The following RNF182 variants were observed in gnomAD, a reference collection of about 807,000 sequenced individuals.
The protein encoded by RNF182 is E3 ubiquitin-protein ligase RNF182.
Under a neutral mutation model 14.4 loss-of-function variants are expected in RNF182, and 15 were observed. The observed-to-expected ratio is 1.04, with a 90% CI of 0.70 to 1.60. The LOEUF (loss-of-function observed/expected upper bound fraction) is 1.60, where lower values mean the gene tolerates loss of function less well. Ranked by LOEUF, RNF182 falls within the 40% of genes most tolerant of loss-of-function variation. The pLI is 0.00. For synonymous variants in RNF182, 128 were observed against 122.9 expected (o/e 1.04, Z -0.27); for missense variants, 268 against 294.8 (o/e 0.91, Z 0.67).
At position 13,977,657 on chromosome 6, in the gene RNF182, A is replaced by G. The variant is rs2113655115; in HGVS notation, c.538A>G (p.Thr180Ala). The G allele has an allele frequency of 6.2e-7, 1 of 1,614,156 alleles. No homozygotes were observed. The highest frequency in any genetic ancestry group is 1.1e-5 in the South Asian group (1 of 91,080). Residue 180 changes from threonine to alanine, a missense_variant, in exon 3 of 3, where the codon ACA becomes GCA. By Grantham distance (58) the Thr-to-Ala change is moderately conservative. Coordinates refer to ENST00000488300, the MANE Select transcript of RNF182 (RefSeq NM_152737.4). ...VWNCTSLLFQ[T>A]SIRVLVWLLG... Reference sequence around the variant, plus strand: ...GAACTGCACGTCCCTGCTGTTTCAGACATCCATCCGGGTGTTAGTGTGGTT... The same window carrying G: ...GAACTGCACGTCCCTGCTGTTTCAGGCATCCATCCGGGTGTTAGTGTGGTT...
At chr6:13,953,986 A>G (rs549803747) in intron 1 of RNF182, among the ~76,000 whole-genome samples, 58 of 152,354 alleles carry the variant, frequency 3.8e-4, no homozygotes, top group Non-Finnish European at 7.5e-4. Context: ...GTAGAGAGAA[A>G]GCTTTGCTAA....
At chr6:13,941,088 C>T (rs1759287515) in intron 1 of RNF182, among the ~76,000 whole-genome samples, 1 of 151,902 alleles carries the variant, frequency 6.6e-6, no homozygotes, top group Non-Finnish European at 1.5e-5. Flanking sequence ...GGGTCAAATT[C>T]ATTAATTGTA....
chr6:13,962,369 A>G (rs922956007), intron 1 of RNF182, among the ~76,000 whole-genome samples: 18 of 152,210 alleles, frequency 1.2e-4, no homozygotes, highest in Non-Finnish European at 2.2e-4. Context: ...AGCTGAGCGT[A>G]AAAACCAATG....
Position 13,977,316 on chromosome 6 carries a change from T to A in RNF182, c.197T>A (p.Phe66Tyr), listed in dbSNP as rs575648429. The A allele has an allele frequency of 1.3e-5, 21 of 1,614,194 alleles. No homozygotes were observed. In the East Asian group the frequency reaches 4.7e-4, roughly 36 times the overall value. Reference protein sequence around the residue: ...DSPQGVIVCPFCRFETCLPDD... With the variant: ...DSPQGVIVCPYCRFETCLPDD... The stretch of plus-strand genomic sequence containing the variant: ...CCACAAGGTGTCATTGTCTGTCCTT[T>A]CTGCAGGTTTGAGACGTGCCTGCCA... Residue 66 changes from phenylalanine to tyrosine, a missense_variant, in exon 3 of 3, where the codon TTC becomes TAC. Coordinates refer to ENST00000488300, the MANE Select transcript of RNF182 (RefSeq NM_152737.4).
intron 1 of RNF182, among the ~76,000 whole-genome samples, chr6:13,945,766 C>T (rs1163719303): frequency 1.3e-5 from 2 of 152,164 alleles, no homozygotes; most frequent in Non-Finnish European, 2.9e-5. Context: ...TGACAGTTTT[C>T]CTCTGCCTTT....
At chr6:13,934,401 G>A (rs1379835260) in intron 1 of RNF182, among the ~76,000 whole-genome samples, 1 of 152,180 alleles carries the variant, frequency 6.6e-6, no homozygotes, top group Non-Finnish European at 1.5e-5. Context: ...CATTTCCGTC[G>A]CTCACAGTTA....
chr6:13,929,228 A>G (rs921263143), intron 1 of RNF182, among the ~76,000 whole-genome samples: 7 of 152,224 alleles, frequency 4.6e-5, no homozygotes, highest in Non-Finnish European at 7.3e-5. Flanking sequence ...CAAGATGGCA[A>G]TGGAACTATA....
At chr6:13,950,083 A>G (rs961775731) in intron 1 of RNF182, among the ~76,000 whole-genome samples, 3 of 152,230 alleles carry the variant, frequency 2.0e-5, no homozygotes, top group African/African-American at 7.2e-5. Flanking sequence ...ATGTCTTTTT[A>G]TAAGCTTTTA....
In RNF182 at chr6:13,978,157, G is replaced by A. The variant is rs530649717; in HGVS notation, c.*294G>A. Reference sequence around the variant, plus strand: ...CAGCACTGCCAGACAGACGGCAGGGGTGTGGTGTGTTATACTATAGGGAGA... The same window carrying A: ...CAGCACTGCCAGACAGACGGCAGGGATGTGGTGTGTTATACTATAGGGAGA... On this transcript the variant is annotated 3_prime_UTR_variant, in exon 3 of 3. Coordinates refer to ENST00000488300, the MANE Select transcript of RNF182 (RefSeq NM_152737.4). 9.0e-6 allele frequency: 3 copies of A among 332,274 alleles called. No homozygotes were observed. The East Asian group carries it at 1.9e-4, about 21-fold the overall frequency. The allele number at this position is 332,274 out of a possible 1,614,324, so 20.6% of individuals were successfully genotyped here.
intron 1 of RNF182, among the ~76,000 whole-genome samples, chr6:13,955,794 T>A (rs531153369): frequency 6.6e-6 from 1 of 152,332 alleles, no homozygotes; most frequent in African/African-American, 2.4e-5. Flanking sequence ...GGCTCACACC[T>A]GTAATTGCAG....
chr6:13,938,327 T>G (rs937650693), intron 1 of RNF182, among the ~76,000 whole-genome samples: 5 of 151,888 alleles, frequency 3.3e-5, no homozygotes, highest in African/African-American at 1.2e-4. Context: ...TTTTTCTTAT[T>G]GATTTTTATG....
chr6:13,925,726 G>A (rs142445219), intron 1 of RNF182, among the ~76,000 whole-genome samples: 94 of 152,300 alleles, frequency 6.2e-4, no homozygotes, highest in African/African-American at 2.1e-3. Flanking sequence ...CATGCTGTAA[G>A]GAACTGGAAA....
At chr6:13,969,214 C>T (rs2113642256) in intron 1 of RNF182, among the ~76,000 whole-genome samples, 1 of 152,194 alleles carries the variant, frequency 6.6e-6, no homozygotes, top group Non-Finnish European at 1.5e-5. Flanking sequence ...GCTGCCATGG[C>T]AGTTTCTTGA....
chr6:13,948,038 CA>C (rs1759482225), intron 1 of RNF182, among the ~76,000 whole-genome samples: 1 of 152,058 alleles, frequency 6.6e-6, no homozygotes, highest in African/African-American at 2.4e-5. Context: ...GTAAATAGCT[CA>C]AAATAAAAGT....
chr6:13,956,682 C>T (rs1390880371), intron 1 of RNF182, among the ~76,000 whole-genome samples: 1 of 152,134 alleles, frequency 6.6e-6, no homozygotes, highest in East Asian at 1.9e-4. Flanking sequence ...TATCTTGGCT[C>T]ACTACAAAAG....
upstream of RNF182, chr6:13,924,885 C>T (rs1449796175): frequency 6.9e-6 from 1 of 145,180 alleles, no homozygotes; most frequent in Non-Finnish European, 1.5e-5. Context: ...GTCGGCGGCT[C>T]AGCGCCGTAG....
At position 13,971,230 on chromosome 6, in the gene RNF182, TC is replaced by T. The variant is rs966178700; in HGVS notation, c.-366-2975del. On this transcript the variant is annotated intron_variant, in intron 1 of 2. Transcript: ENST00000488300. The stretch of plus-strand genomic sequence containing the variant: ...AGATAATTGAATTATGGGGGCAGTT[TC>T]CCCCATACTGTTCTCATGATAGTAA... Among the ~76,000 whole-genome samples, 7 of 152,220 alleles carry T rather than the reference TC, an allele frequency of 4.6e-5. No individual in the cohort carries two copies. The East Asian group carries it at 1.4e-3, about 29-fold the overall frequency.
chr6:13,974,216 A>G lies in RNF182; in HGVS notation c.-360A>G, dbSNP rs937496133. The G allele has an allele frequency of 1.3e-5, 2 of 152,074 alleles. No homozygotes were observed. The highest frequency in any genetic ancestry group is 2.4e-5 in the African/African-American group (1 of 41,418). The allele number at this position is 152,074 out of a possible 1,614,324, so 9.4% of individuals were successfully genotyped here. A position where few individuals can be genotyped will look rare whatever the true frequency, so the allele number is the denominator to read the frequency against. ...CTCTTTTCTGCCATTCCAGGAAGAA[A>G]TACTTGTGTTGGCTGCATTTCCAGG... On this transcript the variant is annotated 5_prime_UTR_variant, in exon 2 of 3. Transcript: ENST00000488300.
chr6:13,931,029 G>C (rs1758956007), intron 1 of RNF182, among the ~76,000 whole-genome samples: 1 of 152,054 alleles, frequency 6.6e-6, no homozygotes, highest in African/African-American at 2.4e-5. Context: ...AGGACTGCCT[G>C]GTGGAGCAAA....
Sources: gnomAD v4.1 joint callset for allele counts (sites outside exome capture counted in the v4.1 genomes callset) on GRCh38, gnomAD v4.1.1 for gene constraint, MANE v1.5 for transcripts, NCBI Gene and HGNC (gene_info 2026-07-23, HGNC 2026-07-21) for gene names.